The following CAB39L variants were observed in gnomAD, a reference collection of about 807,000 sequenced individuals.
CAB39L encodes calcium binding protein 39 like, also known as calcium-binding protein 39-like.
CAB39L carries 23 observed loss-of-function variants against 39.1 expected under a neutral mutation model. The observed-to-expected ratio is 0.59, with a 90% CI of 0.42 to 0.83. CAB39L has a LOEUF of 0.83. CAB39L is among the 40% of genes least tolerant of loss of function. The probability of loss-of-function intolerance (pLI) is 0.00; values close to 1 mark genes in which losing one functional copy is unlikely to be tolerated. For synonymous variants in CAB39L, 126 were observed against 137.2 expected, an observed-to-expected ratio of 0.92 and a Z score of 0.57; for missense variants, 366 against 391.9, an observed-to-expected ratio of 0.93 and a Z score of 0.56.
chr13:49,436,888 T>G (rs1039589541), intron 1 of CAB39L, among the ~76,000 whole-genome samples: 1 of 152,144 alleles, frequency 6.6e-6, no homozygotes, highest in Non-Finnish European at 1.5e-5. Context: ...AGTGCTATAG[T>G]TGGATGTTTC....
At chr13:49,396,965 T>C (rs546850613) in intron 3 of CAB39L, among the ~76,000 whole-genome samples, 8 of 152,298 alleles carry the variant, frequency 5.3e-5, no homozygotes, top group African/African-American at 1.7e-4. Context: ...CACCTTAAAG[T>C]TCTACTGTAT....
intron 10 of CAB39L, among the ~76,000 whole-genome samples, chr13:49,317,322 A>G (rs1231800585): frequency 1.3e-5 from 2 of 152,016 alleles, no homozygotes; most frequent in African/African-American, 4.8e-5. Context: ...TTGAGCCCAG[A>G]TATTCAAGAC....
At chr13:49,338,567 G>A (rs1228355135) in intron 9 of CAB39L, among the ~76,000 whole-genome samples, 1 of 151,368 alleles carries the variant, frequency 6.6e-6, no homozygotes, top group African/African-American at 2.4e-5. Context: ...CGAGTTAGTG[G>A]GTGCAGTGCA....
chr13:49,329,580 TATATATATATATATATA>T (rs1954625385), intron 10 of CAB39L, among the ~76,000 whole-genome samples: 1 of 98,344 alleles, frequency 1.0e-5, no homozygotes, highest in African/African-American at 3.9e-5. Context: ...TATATATATA[TATATATATATATATATA>T]ATGATGTAAT....
Position 49,329,542 on chromosome 13 carries a change from AAAATATATAT to A in CAB39L, c.834+2395_834+2404del, listed in dbSNP as rs1302389565. Reference sequence around the variant, plus strand: ...CTACATATCTCTTCAATTAAAAAAAAAAATATATATATATATATATATATATATATATATA... The same window carrying A: ...CTACATATCTCTTCAATTAAAAAAAAATATATATATATATATATATATATA... On this transcript the variant is annotated intron_variant, in intron 10 of 10. Coordinates refer to ENST00000409308, the MANE Select transcript of CAB39L (RefSeq NM_001079670.3). Among the ~76,000 whole-genome samples, 138 of 38,424 alleles carry A rather than the reference AAAATATATAT, an allele frequency of 3.6e-3. 8 individuals carry two copies. Among genetic ancestry groups the A allele is most frequent in the Admixed American group, 5.5e-3 (17 of 3,104 alleles). 25.2% of individuals were successfully genotyped at this position (38,424 alleles called of 152,430 possible).
intron 8 of CAB39L, among the ~76,000 whole-genome samples, chr13:49,340,235 G>A (rs140292779): frequency 9.2e-5 from 14 of 152,268 alleles, no homozygotes; most frequent in Non-Finnish European, 1.9e-4. Context: ...CACTCTCACC[G>A]GAAGCTGGGG....
chr13:49,409,861 C>A (rs1255552450), intron 3 of CAB39L, among the ~76,000 whole-genome samples: 1 of 147,390 alleles, frequency 6.8e-6, no homozygotes, highest in African/African-American at 2.5e-5. Context: ...TCCCTTGAGT[C>A]CAGGAGTTCA....
At chr13:49,333,568 C>CTTTTTTTT (rs796079933) in intron 9 of CAB39L, among the ~76,000 whole-genome samples, 93 of 111,876 alleles carry the variant, frequency 8.3e-4, no homozygotes, top group Non-Finnish European at 1.1e-3. Flanking sequence ...TTCTTTCTTT[C>CTTTTTTTT]TTTTTTTTTT....
chr13:49,343,830 A>C (rs1224819729), intron 8 of CAB39L, among the ~76,000 whole-genome samples: 1 of 152,202 alleles, frequency 6.6e-6, no homozygotes, highest in Non-Finnish European at 1.5e-5. Flanking sequence ...AAGTAAGACT[A>C]ATTATCAACC....
At chr13:49,333,054 C>T (rs1462486146) in intron 9 of CAB39L, among the ~76,000 whole-genome samples, 1 of 152,074 alleles carries the variant, frequency 6.6e-6, no homozygotes, top group African/African-American at 2.4e-5. Context: ...TGTGTGCAAG[C>T]ATCTGGCTGC....
At chr13:49,345,408 G>C (rs1955118824) in intron 7 of CAB39L, among the ~76,000 whole-genome samples, 1 of 151,978 alleles carries the variant, frequency 6.6e-6, no homozygotes, top group Non-Finnish European at 1.5e-5. Flanking sequence ...TCAACCACTG[G>C]GCCTATCAGT....
intron 5 of CAB39L, among the ~76,000 whole-genome samples, chr13:49,370,413 G>A (rs945690459): frequency 6.6e-6 from 1 of 152,044 alleles, no homozygotes; most frequent in Non-Finnish European, 1.5e-5. Flanking sequence ...TGAAAAATAC[G>A]ACCACTGATG....
chr13:49,393,434 T>C (rs369871307), intron 3 of CAB39L, among the ~76,000 whole-genome samples: 1 of 152,174 alleles, frequency 6.6e-6, no homozygotes, highest in East Asian at 1.9e-4. Flanking sequence ...GATGTACTTA[T>C]AGATGTATGT....
intron 3 of CAB39L, among the ~76,000 whole-genome samples, chr13:49,428,124 C>A (rs779667984): frequency 6.6e-6 from 1 of 152,226 alleles, no homozygotes; most frequent in Non-Finnish European, 1.5e-5. Context: ...TAACAATTAT[C>A]CAAAACTTGT....
intron 10 of CAB39L, among the ~76,000 whole-genome samples, chr13:49,322,195 T>A (rs1954367996): frequency 6.6e-6 from 1 of 152,184 alleles, no homozygotes; most frequent in Admixed American, 6.5e-5. Context: ...ATCTACTTTC[T>A]GCCCCTAGAG....
At chr13:49,346,079 T>G (rs1163222365) in intron 7 of CAB39L, among the ~76,000 whole-genome samples, 1 of 121,352 alleles carries the variant, frequency 8.2e-6, no homozygotes, top group Non-Finnish European at 1.7e-5. Context: ...ATGCTAGATA[T>G]ATATATATAT....
At chr13:49,419,625 T>C (rs1885684) in intron 3 of CAB39L, among the ~76,000 whole-genome samples, 97,579 of 152,046 alleles carry the variant, frequency 0.64, 31,906 homozygotes, top group African/African-American at 0.76. Flanking sequence ...AATGTAAAAT[T>C]TCCAGTGCTT....
At chr13:49,312,694 T>TC (rs1449295181) in intron 10 of CAB39L, among the ~76,000 whole-genome samples, 6 of 152,202 alleles carry the variant, frequency 3.9e-5, no homozygotes, top group South Asian at 2.1e-4. Context: ...TTCCTATCAC[T>TC]CTCCTAAGTC....
chr13:49,352,567 A>G (rs1005470681), intron 6 of CAB39L, among the ~76,000 whole-genome samples: 2 of 152,042 alleles, frequency 1.3e-5, no homozygotes, highest in African/African-American at 4.8e-5. Flanking sequence ...CAGCCTGGGC[A>G]ACATGGCTGA....
Sources: gnomAD v4.1 joint callset for allele counts (sites outside exome capture counted in the v4.1 genomes callset) on GRCh38, gnomAD v4.1.1 for gene constraint, MANE v1.5 for transcripts, NCBI Gene and HGNC (gene_info 2026-07-23, HGNC 2026-07-21) for gene names.